VANGL2: variants seen among roughly 807,000 people sequenced by gnomAD.
VANGL2 encodes the protein vang-like protein 2.
VANGL2 carries 14 observed loss-of-function variants against 50.2 expected under a neutral mutation model. The observed-to-expected ratio is 0.28, with a 90% CI of 0.18 to 0.44. VANGL2 has a LOEUF of 0.44. Ranked by LOEUF, VANGL2 falls within the 20% of genes least tolerant of loss-of-function variation. VANGL2 has a pLI of 1.00. For missense variants in VANGL2, 533 were observed against 701.5 expected, an observed-to-expected ratio of 0.76 and a Z score of 2.71; for synonymous variants, 295 against 297.2, an observed-to-expected ratio of 0.99 and a Z score of 0.08.
chr1:160,401,377 A>T (rs1332179862), intron 1 of VANGL2, among the ~76,000 whole-genome samples: 2 of 151,978 alleles, frequency 1.3e-5, no homozygotes, highest in Admixed American at 1.3e-4. Flanking sequence ...GGTTGGGCAG[A>T]GTAGATAGGG....
Position 160,419,018 on chromosome 1 carries a change from A to G in VANGL2, c.209A>G (p.Glu70Gly), listed in dbSNP as rs1571244787. 1 of 1,606,152 alleles carries G rather than the reference A, an allele frequency of 6.2e-7. No individual in the cohort carries two copies. Among genetic ancestry groups the G allele is most frequent in the Non-Finnish European group, 8.5e-7 (1 of 1,174,288 alleles). The change falls in exon 4 of 8, where the codon GAA becomes GGA. Residue 70 changes from glutamate to glycine, a missense_variant. By Grantham distance (98) the Glu-to-Gly change is moderately conservative (BLOSUM62 -2). Transcript: ENST00000368061. The surrounding 1 kb of genome is among the most constrained non-coding windows in gnomAD (Gnocchi z 5.8). ...TGCCTGTAGGATGACAACTGGGGGGAAACGACGACAGTAGTAACGGGCACC... is the reference window on the plus strand; with the variant it reads ...TGCCTGTAGGATGACAACTGGGGGGGAACGACGACAGTAGTAACGGGCACC... The part of the protein sequence containing the change: ...RGDERDDNWG[E>G]TTTVVTGTSE...
At position 160,419,845 on chromosome 1, in the gene VANGL2, A is replaced by T. The variant is rs1651204879; in HGVS notation, c.800+236A>T. 6.8e-6 allele frequency among the ~76,000 whole-genome samples: 1 copy of T among 146,572 alleles called. No individual in the cohort carries two copies. Among genetic ancestry groups the T allele is most frequent in the South Asian group, 2.2e-4 (1 of 4,468 alleles). ...AGTTGGGAGTTATGAGATGGGAATG[A>T]ATAGGCATTTAGAGGTAGGGAATAT... On this transcript the variant is annotated intron_variant, in intron 4 of 7. Transcript: ENST00000368061. The surrounding 1 kb of genome is among the most constrained non-coding windows in gnomAD (Gnocchi z 5.8).
chr1:160,420,040 AGAG>A (rs1242343828), intron 4 of VANGL2, among the ~76,000 whole-genome samples: 1 of 152,018 alleles, frequency 6.6e-6, no homozygotes, highest in East Asian at 1.9e-4. Flanking sequence ...GATAAGGAGG[AGAG>A]TTCTTCAGCT....
chr1:160,419,274 G>A lies in VANGL2; in HGVS notation c.465G>A (p.Lys155=), dbSNP rs142604710. Residue 155 remains lysine (K), a synonymous_variant, in exon 4 of 8, where the codon AAG becomes AAA. Transcript: ENST00000368061. This position sits in a 1 kb window ranked among gnomAD's most constrained non-coding sequence, Gnocchi z 5.8. ...CEGLFISVAF[K]LLILLLGSWA... is the part of the protein sequence containing the mutation. ...GCCTCTTCATCTCTGTCGCCTTCAAGCTGCTCATCCTGCTACTGGGCAGCT... is the reference window on the plus strand; with the variant it reads ...GCCTCTTCATCTCTGTCGCCTTCAAACTGCTCATCCTGCTACTGGGCAGCT... 25 of 1,607,824 alleles carry A rather than the reference G, an allele frequency of 1.6e-5. No homozygotes were observed. The highest frequency in any genetic ancestry group is 2.1e-5 in the Non-Finnish European group (25 of 1,180,004).
In VANGL2 at chr1:160,415,658, G is replaced by A; in HGVS notation, c.-180G>A. ...TCTTCCTCTCACCAGGAGCGTCGCTGGATTTTCTCTGAGACAAGCCCACCC... is the reference window on the plus strand; with the variant it reads ...TCTTCCTCTCACCAGGAGCGTCGCTAGATTTTCTCTGAGACAAGCCCACCC... On this transcript the variant is annotated 5_prime_UTR_variant, in exon 2 of 8. Transcript: ENST00000368061. 1.4e-6 allele frequency: 1 copy of A among 706,224 alleles called. No individual in the cohort carries two copies. Among genetic ancestry groups the A allele is most frequent in the South Asian group, 1.8e-5 (1 of 56,054 alleles). 43.7% of individuals were successfully genotyped at this position (706,224 alleles called of 1,614,324 possible). A position where few individuals can be genotyped will look rare whatever the true frequency, so the allele number is the denominator to read the frequency against.
chr1:160,420,621 C>A (rs1651235821), intron 5 of VANGL2, 74 bp downstream of exon 5: 1 of 1,608,068 alleles, frequency 6.2e-7, no homozygotes, highest in Non-Finnish European at 8.5e-7. Context: ...TCTCTTTTAC[C>A]CTTTGTCCCT....
Position 160,420,910 on chromosome 1 carries a change from G to A in VANGL2, c.938-142G>A, listed in dbSNP as rs554721637. On this transcript the variant is annotated intron_variant, in intron 5 of 7. Transcript: ENST00000368061. ...CTATGGCCTCTCCCAGAGGTGGCCA[G>A]GAGGGTTGGGATTAGGAGGTATTGC... 718 of 1,276,224 alleles carry A rather than the reference G, an allele frequency of 5.6e-4. 13 individuals carry two copies. The South Asian group carries it at 8.8e-3, about 16-fold the overall frequency. 79.1% of individuals were successfully genotyped at this position (1,276,224 alleles called of 1,614,324 possible). A position where few individuals can be genotyped will look rare whatever the true frequency, so the allele number is the denominator to read the frequency against.
intron 3 of VANGL2, among the ~76,000 whole-genome samples, chr1:160,417,238 G>T (rs1390946668): frequency 6.6e-6 from 1 of 152,160 alleles, no homozygotes; most frequent in Non-Finnish European, 1.5e-5. Flanking sequence ...TAGAGAGGAG[G>T]TTCCTCAACC....
Position 160,419,124 on chromosome 1 carries a change from T to C in VANGL2, c.315T>C (p.Arg105=), listed in dbSNP as rs1380038849. The C allele has an allele frequency of 1.2e-6, 2 of 1,614,188 alleles. No homozygotes were observed. Among genetic ancestry groups the C allele is most frequent in the Non-Finnish European group, 1.7e-6 (2 of 1,180,028 alleles). The change falls in exon 4 of 8, where the codon CGT becomes CGC. Residue 105 remains arginine (R), a synonymous_variant. Coordinates refer to ENST00000368061, the MANE Select transcript of VANGL2 (RefSeq NM_020335.3). This position sits in a 1 kb window ranked among gnomAD's most constrained non-coding sequence, Gnocchi z 5.8. ...MEDSVPLDCS[R]HLGVAAGATL... is the part of the protein sequence containing the mutation. ...ACAGTGTCCCTCTGGACTGCTCCCGTCACCTGGGTGTGGCAGCGGGGGCCA... is the reference window on the plus strand; with the variant it reads ...ACAGTGTCCCTCTGGACTGCTCCCGCCACCTGGGTGTGGCAGCGGGGGCCA...
chr1:160,425,069 C>G (rs771849421), intron 7 of VANGL2, 49 bp from the exon 8 acceptor site: 2 of 1,613,502 alleles, frequency 1.2e-6, no homozygotes, highest in Non-Finnish European at 1.7e-6. Context: ...GATGAAGGAC[C>G]GTGGGTAGAT....
intron 1 of VANGL2, among the ~76,000 whole-genome samples, chr1:160,412,801 G>A (rs1650926331): frequency 6.6e-6 from 1 of 152,176 alleles, no homozygotes; most frequent in Non-Finnish European, 1.5e-5. Context: ...AGCCAGAGAG[G>A]CATACAGTCA....
chr1:160,415,294 A>G (rs1268888424), intron 1 of VANGL2, among the ~76,000 whole-genome samples: 1 of 152,154 alleles, frequency 6.6e-6, no homozygotes. Context: ...CCTGGCCAGA[A>G]CCTGCCCTCT....
At chr1:160,411,328 G>A (rs527357246) in intron 1 of VANGL2, among the ~76,000 whole-genome samples, 4 of 151,674 alleles carry the variant, frequency 2.6e-5, no homozygotes, top group East Asian at 1.9e-4. Context: ...CACCAAGTCC[G>A]GACTTCCCTC....
At chr1:160,417,077 T>C (rs1266874241) in intron 3 of VANGL2, among the ~76,000 whole-genome samples, 1 of 152,130 alleles carries the variant, frequency 6.6e-6, no homozygotes, top group African/African-American at 2.4e-5. Flanking sequence ...GCTCACCTGC[T>C]ACTGGGGAGG....
rs115211767 is a variant in VANGL2, at chr1:160,413,029, G to A, written c.-190-2619G>A. On this transcript the variant is annotated intron_variant, in intron 1 of 7. Transcript: ENST00000368061. ...GCCTATGTGTGTAGTAGGCTATACC[G>A]TCAAGGTTTGTGTAGGTACATTCTA... is the stretch of plus-strand genomic sequence containing the variant. 6.7e-3 allele frequency among the ~76,000 whole-genome samples: 1,025 copies of A among 152,250 alleles called. 14 individuals are homozygous for A. Among genetic ancestry groups the A allele is most frequent in the African/African-American group, 0.023 (969 of 41,528 alleles).
chr1:160,405,743 G>A (rs1299259355), intron 1 of VANGL2, among the ~76,000 whole-genome samples: 1 of 152,160 alleles, frequency 6.6e-6, no homozygotes, highest in Non-Finnish European at 1.5e-5. Flanking sequence ...GGAGGTGATT[G>A]GAACCCAGGT....
rs749769844 is a variant in VANGL2, at chr1:160,425,181, G to A, written c.1369G>A (p.Ala457Thr). 1.9e-6 allele frequency: 3 copies of A among 1,614,130 alleles called. No homozygotes were observed. Among genetic ancestry groups the A allele is most frequent in the South Asian group, 2.2e-5 (2 of 91,080 alleles). ...CCAGTACCACAAGGAACGCTGGCTG[G>A]CCAAACAGTGGACATTGGTGAGCGA... is the stretch of plus-strand genomic sequence containing the variant. ...TIQYHKERWL[A>T]KQWTLVSEEP... The change falls in exon 8 of 8, where the codon GCC becomes ACC. Residue 457 changes from alanine to threonine, a missense_variant. Physicochemically the swap from Ala to Thr is moderately conservative, Grantham distance 58 (BLOSUM62 0). Transcript: ENST00000368061.
intron 1 of VANGL2, among the ~76,000 whole-genome samples, chr1:160,414,147 C>T (rs1650978338): frequency 1.3e-5 from 2 of 152,322 alleles, no homozygotes; most frequent in South Asian, 4.1e-4. Flanking sequence ...CCTTATTGAT[C>T]TCCCTGTTTC....
chr1:160,409,252 G>A (rs1005801407), intron 1 of VANGL2, among the ~76,000 whole-genome samples: 2 of 152,236 alleles, frequency 1.3e-5, no homozygotes, highest in Admixed American at 6.5e-5. Flanking sequence ...GTGTTACTAC[G>A]ATTTTCCAAC....
Sources: allele counts gnomAD v4.1 joint callset (sites outside exome capture counted in the v4.1 genomes callset), GRCh38; gene constraint gnomAD v4.1.1; non-coding constraint Gnocchi (gnomAD v3.1); transcripts MANE v1.5; gene names NCBI Gene and HGNC (gene_info 2026-07-23, HGNC 2026-07-21).